CCDC93: variants seen among roughly 807,000 people sequenced by gnomAD.
CCDC93 encodes coiled-coil domain-containing protein 93.
Under a neutral mutation model 108.2 loss-of-function variants are expected in CCDC93, and 61 were observed. That is an observed-to-expected ratio of 0.56 (90% CI 0.46 to 0.70). The LOEUF is 0.70. Among genes scored for constraint, CCDC93 ranks in the 30% least tolerant of loss-of-function variants. CCDC93 has a pLI of 0.00. For synonymous variants in CCDC93, 276 were observed against 260.4 expected (o/e 1.06, Z -0.58); for missense variants, 685 against 764.2 (o/e 0.90, Z 1.22).
At chr2:117,986,411 T>G (rs184395899) in intron 6 of CCDC93, among the ~76,000 whole-genome samples, 259 of 152,308 alleles carry the variant, frequency 1.7e-3, no homozygotes, top group African/African-American at 6.0e-3. Flanking sequence ...TCTTGACTGC[T>G]AAGCTGGCTG....
chr2:117,943,888 G>C (rs758006361), intron 18 of CCDC93, 136 bp downstream of exon 18: 4 of 559,876 alleles, frequency 7.1e-6, no homozygotes, highest in Non-Finnish European at 1.2e-5. Context: ...ACTCCAGATA[G>C]AAAGAAGACT....
intron 23 of CCDC93, among the ~76,000 whole-genome samples, chr2:117,924,187 A>G (rs192335963): frequency 6.6e-6 from 1 of 152,326 alleles, no homozygotes; most frequent in Non-Finnish European, 1.5e-5. Flanking sequence ...GAAAAACCAG[A>G]GCAGAAAAAC....
At chr2:117,993,171 C>T (rs183104393) in intron 6 of CCDC93, among the ~76,000 whole-genome samples, 8 of 151,996 alleles carry the variant, frequency 5.3e-5, no homozygotes, top group Admixed American at 1.3e-4. Flanking sequence ...CCGAGGTGGG[C>T]GGACCTCGAG....
chr2:117,926,643 AAAAAG>A (rs1678114852), intron 23 of CCDC93, among the ~76,000 whole-genome samples: 1 of 152,190 alleles, frequency 6.6e-6, no homozygotes, highest in African/African-American at 2.4e-5. Flanking sequence ...TACCAACCAA[AAAAAG>A]TCCAGGACCA....
intron 7 of CCDC93, among the ~76,000 whole-genome samples, chr2:117,978,493 C>T (rs1202212847): frequency 6.6e-6 from 1 of 152,148 alleles, no homozygotes; most frequent in Non-Finnish European, 1.5e-5. Context: ...AATGTGTACT[C>T]ACTTCACACA....
At chr2:117,999,607 A>AATCTG (rs1680771797) in intron 4 of CCDC93, 1 of 152,162 alleles carries the variant, frequency 6.6e-6, no homozygotes, top group Non-Finnish European at 1.5e-5. Context: ...TGTCCCAAGG[A>AATCTG]ATCTGTGGTG....
chr2:117,959,016 G>C (rs116705427), intron 11 of CCDC93, among the ~76,000 whole-genome samples: 2,016 of 152,314 alleles, frequency 0.013, 48 homozygotes, highest in African/African-American at 0.044. Flanking sequence ...TGATTGGAAA[G>C]GGATTAAAGG....
chr2:117,950,459 C>T lies in CCDC93; in HGVS notation c.1069-1064G>A, dbSNP rs1446583286. On this transcript the variant is annotated intron_variant, in intron 13 of 23. Transcript: ENST00000376300. ...CCTTTCTGAAGCAGTCATGCAGCCTCCCCCACAGGTGTCAGGCACCACTGC... is the reference window on the plus strand; with the variant it reads ...CCTTTCTGAAGCAGTCATGCAGCCTTCCCCACAGGTGTCAGGCACCACTGC... The T allele has an allele frequency of 6.1e-6, 6 of 985,286 alleles. No individual in the cohort carries two copies. In the East Asian group the frequency reaches 5.7e-4, roughly 93 times the overall value. 61.0% of individuals were successfully genotyped at this position (985,286 alleles called of 1,614,324 possible).
At chr2:118,004,297 A>G (rs570023660) in intron 3 of CCDC93, among the ~76,000 whole-genome samples, 3 of 152,368 alleles carry the variant, frequency 2.0e-5, no homozygotes, top group African/African-American at 7.2e-5. Context: ...TATAAATGTA[A>G]AATCCCATTT....
chr2:117,934,532 T>C lies in CCDC93; in HGVS notation c.1728+963A>G, dbSNP rs114451606. On this transcript the variant is annotated intron_variant, in intron 22 of 23. Coordinates refer to ENST00000376300, the MANE Select transcript of CCDC93 (RefSeq NM_019044.5). ...TTTCTCCTCCTTTGACATCGTTTTATTGAAGTCATTCACAGAGAGATTAAT... is the reference window on the plus strand; with the variant it reads ...TTTCTCCTCCTTTGACATCGTTTTACTGAAGTCATTCACAGAGAGATTAAT... 3.1e-3 allele frequency: 470 copies of C among 153,870 alleles called. 4 individuals carry two copies. The highest frequency in any genetic ancestry group is 4.9e-3 in the Non-Finnish European group (337 of 68,128). The allele number at this position is 153,870 out of a possible 1,614,324, so 9.5% of individuals were successfully genotyped here.
At chr2:117,923,620 G>T (rs919824860) in intron 23 of CCDC93, among the ~76,000 whole-genome samples, 1 of 152,156 alleles carries the variant, frequency 6.6e-6, no homozygotes, top group East Asian at 1.9e-4. Flanking sequence ...CAGCCGAGAA[G>T]CTCAAACTGG....
chr2:118,009,651 A>G (rs1344293707), intron 1 of CCDC93, among the ~76,000 whole-genome samples: 1 of 152,140 alleles, frequency 6.6e-6, no homozygotes, highest in Non-Finnish European at 1.5e-5. Flanking sequence ...CAGCCTTGGT[A>G]ACAGAGCAAG....
intron 20 of CCDC93, among the ~76,000 whole-genome samples, chr2:117,937,372 C>A (rs1281941880): frequency 6.6e-6 from 1 of 152,196 alleles, no homozygotes; most frequent in African/African-American, 2.4e-5. Flanking sequence ...GGCCATAAAA[C>A]TACTCAATTT....
At chr2:117,935,239 C>T (rs1042514908) in intron 22 of CCDC93, among the ~76,000 whole-genome samples, 4 of 152,124 alleles carry the variant, frequency 2.6e-5, no homozygotes, top group Non-Finnish European at 4.4e-5. Context: ...CAGCACAATG[C>T]TTGGTACACA....
intron 18 of CCDC93, 56 bp from the exon 19 acceptor site, chr2:117,941,353 C>G (rs1678694890): frequency 7.2e-7 from 1 of 1,395,750 alleles, no homozygotes; most frequent in Non-Finnish European, 1.0e-6. Flanking sequence ...CTTACATGTT[C>G]TCTAGGGAGC....
Position 118,006,476 on chromosome 2 carries a change from T to C in CCDC93, c.251+246A>G, listed in dbSNP as rs555115996. Among the ~76,000 whole-genome samples the C allele has an allele frequency of 1.2e-3, 186 of 152,346 alleles. 1 individual carries two copies. The highest frequency in any genetic ancestry group is 4.3e-3 in the African/African-American group (178 of 41,588). On this transcript the variant is annotated intron_variant, in intron 3 of 23. Transcript: ENST00000376300. ...AGGAAAGCATCTCCTTTCCTCTTTC[T>C]AATCAACTTCCACTGATATGAGCTG...
chr2:117,998,549 T>C (rs1267615810), intron 4 of CCDC93, among the ~76,000 whole-genome samples: 1 of 152,186 alleles, frequency 6.6e-6, no homozygotes, highest in Non-Finnish European at 1.5e-5. Context: ...CTTTAAAATT[T>C]TACAGGTCCA....
intron 12 of CCDC93, among the ~76,000 whole-genome samples, chr2:117,953,728 CAA>C (rs11310138): frequency 9.2e-4 from 121 of 132,206 alleles, no homozygotes; most frequent in Middle Eastern, 3.9e-3. Context: ...CTGCTGTCTC[CAA>C]AAAAAAAAAA....
intron 23 of CCDC93, among the ~76,000 whole-genome samples, chr2:117,922,048 CA>C (rs758477969): frequency 5.3e-5 from 8 of 152,060 alleles, no homozygotes; most frequent in Non-Finnish European, 1.0e-4. Context: ...GGAACAAGAA[CA>C]GAGAGCTACA....
Sources: gnomAD v4.1 joint callset for allele counts (sites outside exome capture counted in the v4.1 genomes callset) on GRCh38, gnomAD v4.1.1 for gene constraint, MANE v1.5 for transcripts, NCBI Gene and HGNC (gene_info 2026-07-23, HGNC 2026-07-21) for gene names.